The following USP33 variants were observed in gnomAD, a reference collection of about 807,000 sequenced individuals.
USP33 encodes the protein ubiquitin specific peptidase 33, also known as ubiquitin carboxyl-terminal hydrolase 33.
A neutral mutation model predicts 124.2 loss-of-function variants in USP33; 46 were observed. The observed-to-expected ratio is 0.37, with a 90% CI of 0.29 to 0.47. USP33 has a LOEUF of 0.47. USP33 is among the 20% of genes least tolerant of loss of function. The pLI is 0.99. For synonymous variants in USP33, 350 were observed against 352.3 expected, an observed-to-expected ratio of 0.99 and a Z score of 0.07; for missense variants, 851 against 1,070.6, an observed-to-expected ratio of 0.79 and a Z score of 2.86.
chr1:77,741,864 TAAGA>T (rs1679156783), intron 1 of USP33, 116 bp from the exon 2 acceptor site: 3 of 1,001,908 alleles, frequency 3.0e-6, no homozygotes, highest in Admixed American at 3.6e-5. Flanking sequence ...AAAGATAACA[TAAGA>T]ATGATATAAG....
intron 9 of USP33, among the ~76,000 whole-genome samples, chr1:77,729,198 G>A (rs1436908046): frequency 2.6e-5 from 4 of 151,922 alleles, no homozygotes; most frequent in Non-Finnish European, 4.4e-5. Flanking sequence ...GAGCCATCAC[G>A]CCCAGCCAGA....
intron 20 of USP33, among the ~76,000 whole-genome samples, chr1:77,712,457 A>C (rs1570751713): frequency 6.6e-6 from 1 of 152,264 alleles, no homozygotes; most frequent in East Asian, 1.9e-4. Context: ...TGGGAGGCAG[A>C]GGTTGCAGTG....
In USP33 at chr1:77,738,938, A is replaced by C. The variant is rs377295708; in HGVS notation, c.351+327T>G. Among the ~76,000 whole-genome samples the C allele has an allele frequency of 1.6e-3, 239 of 152,294 alleles. 4 individuals carry two copies. In the Middle Eastern group the frequency reaches 0.02, roughly 13 times the overall value. ...GAATTAGTAACTGCCATATGCTATCAAAGAAGGCCCACCACCTTTCTTGAA... is the reference window on the plus strand; with the variant it reads ...GAATTAGTAACTGCCATATGCTATCCAAGAAGGCCCACCACCTTTCTTGAA... On this transcript the variant is annotated intron_variant, in intron 5 of 23. Transcript: ENST00000370794.
At chr1:77,711,920 G>T in intron 20 of USP33, 65 bp from the exon 21 acceptor site, 1 of 1,429,404 alleles carries the variant, frequency 7.0e-7, no homozygotes, top group Non-Finnish European at 9.5e-7. Flanking sequence ...TAAGTCAGTG[G>T]CCAAATACCC....
intron 1 of USP33, among the ~76,000 whole-genome samples, chr1:77,755,928 C>T (rs562566534): frequency 1.6e-4 from 24 of 152,282 alleles, no homozygotes; most frequent in African/African-American, 5.3e-4. Flanking sequence ...AGTCTCCACC[C>T]TGCTTTCCTT....
chr1:77,720,454 C>T, intron 15 of USP33: 1 of 985,424 alleles, frequency 1.0e-6, no homozygotes, highest in Non-Finnish European at 1.2e-6. Flanking sequence ...GCTTTTTCAT[C>T]TTTATCAACC....
rs545667581 is a variant in USP33 at position 77,748,622 on chromosome 1, T to C, written c.-51-6874A>G. Among the ~76,000 whole-genome samples, 13 of 151,848 alleles carry C rather than the reference T, an allele frequency of 8.6e-5. No homozygotes were observed. The East Asian group carries it at 1.2e-3, about 14-fold the overall frequency. On this transcript the variant is annotated intron_variant, in intron 1 of 23. Transcript: ENST00000370794. ...AGGCAGAGGCTGCAGTGAGCCAAGA[T>C]TGCGTCACTGCACTCCATCCTGGCG...
At position 77,722,072 on chromosome 1, in the gene USP33, G is replaced by T; in HGVS notation, c.1514C>A (p.Ala505Glu). Residue 505 changes from alanine (A) to glutamate (E), a missense_variant, in exon 13 of 24, where the codon GCA becomes GAA. Ala to Glu is a moderately radical substitution (Grantham distance 107). Coordinates refer to ENST00000370794, the MANE Select transcript of USP33 (RefSeq NM_201624.3). The part of the protein sequence containing the change: ...SIVKAGSCGE[A>E]YAPQGWIAFF... ...AGCTATCCACCCTTGTGGAGCATAT[G>T]CTTCGCCACATGATCCTGCTTTGAC... 1 of 1,614,058 alleles carries T rather than the reference G, an allele frequency of 6.2e-7. No homozygotes were observed. Among genetic ancestry groups the T allele is most frequent in the Non-Finnish European group, 8.5e-7 (1 of 1,179,960 alleles).
Position 77,728,376 on chromosome 1 carries a change from T to C in USP33, c.1054A>G (p.Lys352Glu). The change falls in exon 10 of 24, where the codon AAA (lysine) becomes GAA (glutamate). Residue 352 changes from lysine (K) to glutamate (E), a missense_variant. By Grantham distance (56) the Lys-to-Glu change is moderately conservative. Around this residue, in one of 4 missense-constraint regions of USP33, gnomAD observed 207 missense variants for 200.9 expected, o/e 1.03. Coordinates refer to ENST00000370794, the MANE Select transcript of USP33 (RefSeq NM_201624.3). ...NKVNSEGEFDKDRDSISETVD... is the reference protein window; with the variant it reads ...NKVNSEGEFDEDRDSISETVD... ...GTTTCAGATATAGAGTCTCTATCTTTATCAAATTCGCCTTCAGAATTTACT... is the reference window on the plus strand; with the variant it reads ...GTTTCAGATATAGAGTCTCTATCTTCATCAAATTCGCCTTCAGAATTTACT... 2 of 1,613,988 alleles carry C rather than the reference T, an allele frequency of 1.2e-6. No homozygotes were observed. The highest frequency in any genetic ancestry group is 1.3e-5 in the African/African-American group (1 of 75,058).
In USP33 at chr1:77,723,918, C is replaced by G. The variant is rs1221019454; in HGVS notation, c.1277-475G>C. On this transcript the variant is annotated intron_variant, in intron 11 of 23. Coordinates refer to ENST00000370794, the MANE Select transcript of USP33 (RefSeq NM_201624.3). ...TGACCTCATGATCCACCCACTTCAGCCTCCCAAAGTACTGAGATTACAGGC... is the reference window on the plus strand; with the variant it reads ...TGACCTCATGATCCACCCACTTCAGGCTCCCAAAGTACTGAGATTACAGGC... 4.6e-5 allele frequency among the ~76,000 whole-genome samples: 7 copies of G among 152,172 alleles called. 1 individual carries two copies. The East Asian group carries it at 1.4e-3, about 29-fold the overall frequency.
Position 77,714,065 on chromosome 1 carries a change from T to C in USP33, c.2215+549A>G, listed in dbSNP as rs149542051. Reference sequence around the variant, plus strand: ...CATCACACAAAGGTCCTATTTATTGTAGAAATAAACATTAACACAGCCAAT... The same window carrying C: ...CATCACACAAAGGTCCTATTTATTGCAGAAATAAACATTAACACAGCCAAT... On this transcript the variant is annotated intron_variant, in intron 19 of 23. Transcript: ENST00000370794. Among the ~76,000 whole-genome samples, 978 of 152,308 alleles carry C rather than the reference T, an allele frequency of 6.4e-3. 9 individuals carry two copies. The highest frequency in any genetic ancestry group is 0.022 in the African/African-American group (901 of 41,558).
At chr1:77,744,363 T>C (rs1003716018) in intron 1 of USP33, among the ~76,000 whole-genome samples, 1 of 152,046 alleles carries the variant, frequency 6.6e-6, no homozygotes, top group Non-Finnish European at 1.5e-5. Flanking sequence ...AGAACAAAGA[T>C]AGACTAAATC....
At chr1:77,725,995 G>C (rs1312631000) in intron 10 of USP33, among the ~76,000 whole-genome samples, 2 of 152,094 alleles carry the variant, frequency 1.3e-5, no homozygotes, top group African/African-American at 4.8e-5. Context: ...TGTCCCCCAG[G>C]CTGCAGTGCA....
chr1:77,726,118 T>C (rs890024716), intron 10 of USP33, among the ~76,000 whole-genome samples: 2 of 152,070 alleles, frequency 1.3e-5, no homozygotes, highest in Non-Finnish European at 2.9e-5. Flanking sequence ...CCCACCTCAT[T>C]TTTGTATTTT....
chr1:77,730,482 T>C lies in USP33; in HGVS notation c.638+136A>G, dbSNP rs140026453. On this transcript the variant is annotated intron_variant, in intron 8 of 23. Transcript: ENST00000370794. ...CTTACATTCAGCTTCAAATGTAACA[T>C]GCCTGAAACAAAGCTGTCTCTAATC... The C allele has an allele frequency of 9.2e-4, 499 of 541,276 alleles. 1 individual carries two copies. Among genetic ancestry groups the C allele is most frequent in the African/African-American group, 8.9e-3 (456 of 51,384 alleles). The allele number at this position is 541,276 out of a possible 1,614,324, so 33.5% of individuals were successfully genotyped here. A position where few individuals can be genotyped will look rare whatever the true frequency, so the allele number is the denominator to read the frequency against.
intron 15 of USP33, 114 bp downstream of exon 15, chr1:77,721,058 C>T: frequency 8.5e-7 from 1 of 1,174,310 alleles, no homozygotes; most frequent in Non-Finnish European, 1.2e-6. Context: ...TAGGATAAAC[C>T]TTTCTGGCCT....
chr1:77,698,809 T>A (rs1673700741), intron 22 of USP33, among the ~76,000 whole-genome samples: 1 of 152,126 alleles, frequency 6.6e-6, no homozygotes, highest in Non-Finnish European at 1.5e-5. Flanking sequence ...CCAGAAATTA[T>A]TTTTTAACTC....
Position 77,728,484 on chromosome 1 carries a change from T to C in USP33, c.946A>G (p.Thr316Ala), listed in dbSNP as rs1477541921. The part of the protein sequence containing the change: ...RCFSEDNNET[T>A]MLIQDDENNS... Reference sequence around the variant, plus strand: ...TTTTCATCATCCTGAATTAACATTGTTGTTTCATTATTATCTTCAGAAAAG... The same window carrying C: ...TTTTCATCATCCTGAATTAACATTGCTGTTTCATTATTATCTTCAGAAAAG... Residue 316 changes from threonine (T) to alanine (A), a missense_variant, in exon 10 of 24, where the codon ACA becomes GCA. Around this residue, in one of 4 missense-constraint regions of USP33, gnomAD observed 207 missense variants for 200.9 expected, o/e 1.03. Coordinates refer to ENST00000370794, the MANE Select transcript of USP33 (RefSeq NM_201624.3). 9 of 1,614,156 alleles carry C rather than the reference T, an allele frequency of 5.6e-6. No individual in the cohort carries two copies. Among genetic ancestry groups the C allele is most frequent in the Non-Finnish European group, 7.6e-6 (9 of 1,180,016 alleles).
chr1:77,744,504 T>G (rs911823556), intron 1 of USP33, among the ~76,000 whole-genome samples: 4 of 152,070 alleles, frequency 2.6e-5, no homozygotes, highest in African/African-American at 9.6e-5. Flanking sequence ...ACCATGTACA[T>G]CAAAAACAAA....
Sources: gnomAD v4.1 joint callset for allele counts (sites outside exome capture counted in the v4.1 genomes callset) on GRCh38, gnomAD v4.1.1 for gene constraint, gnomAD v4.1.1 regional missense constraint, MANE v1.5 for transcripts, NCBI Gene and HGNC (gene_info 2026-07-23, HGNC 2026-07-21) for gene names.